Variants in CNTN1 observed in about 807,000 individuals in gnomAD.
The protein encoded by CNTN1 is contactin 1, also known as contactin-1.
A neutral mutation model predicts 126.4 loss-of-function variants in CNTN1; 38 were observed. The ratio of observed to expected loss-of-function variants is 0.30; its 90% confidence interval spans 0.23 to 0.39. The LOEUF (loss-of-function observed/expected upper bound fraction) is 0.39, where lower values mean the gene tolerates loss of function less well. CNTN1 is among the 10% of genes least tolerant of loss of function. The pLI is 1.00. For synonymous variants in CNTN1, 413 were observed against 422.6 expected (o/e 0.98, Z 0.28); for missense variants, 1,009 against 1,248.4 (o/e 0.81, Z 2.89).
chr12:40,758,081 G>A lies in CNTN1; in HGVS notation c.-77+65489G>A, dbSNP rs537817409. Among the ~76,000 whole-genome samples, 4 of 150,386 alleles carry A rather than the reference G, an allele frequency of 2.7e-5. No homozygotes were observed. The South Asian group carries it at 6.4e-4, about 24-fold the overall frequency. On this transcript the variant is annotated intron_variant, in intron 1 of 23. Coordinates refer to ENST00000551295, the MANE Select transcript of CNTN1 (RefSeq NM_001843.4). ...ATTCATCTTCTTACACTTTAATTTGGTGCCTTAGAGAAAGAAATTTTTTCC... is the reference window on the plus strand; with the variant it reads ...ATTCATCTTCTTACACTTTAATTTGATGCCTTAGAGAAAGAAATTTTTTCC...
rs770306157 is a variant in CNTN1, at chr12:40,922,415, C to T, written c.387C>T (p.Thr129=). ...NYGMVRSTEA[T]LSFGYLDPFP... The stretch of plus-strand genomic sequence containing the variant: ...GGATGGTCAGAAGCACTGAAGCAAC[C>T]CTGAGCTTTGGATGTAAGTAAACTG... The change falls in exon 5 of 24, where the codon ACC becomes ACT. Residue 129 remains threonine, a synonymous_variant. Coordinates refer to ENST00000551295, the MANE Select transcript of CNTN1 (RefSeq NM_001843.4). 3 of 1,613,696 alleles carry T rather than the reference C, an allele frequency of 1.9e-6. No individual in the cohort carries two copies. The highest frequency in any genetic ancestry group is 2.5e-6 in the Non-Finnish European group (3 of 1,179,896).
At chr12:40,956,788 A>G (rs974386318) in intron 14 of CNTN1, among the ~76,000 whole-genome samples, 2 of 152,030 alleles carry the variant, frequency 1.3e-5, no homozygotes, top group African/African-American at 4.8e-5. Context: ...ATCTGCTTTT[A>G]TGGAGACAAG....
rs184742825 is a variant in CNTN1, at chr12:40,835,343, G to A, written c.-76-73014G>A. Among the ~76,000 whole-genome samples, 34 of 152,248 alleles carry A rather than the reference G, an allele frequency of 2.2e-4. 2 individuals carry two copies. The highest frequency in any genetic ancestry group is 1.2e-4 in the Non-Finnish European group (8 of 67,988). On this transcript the variant is annotated intron_variant, in intron 1 of 23. Transcript: ENST00000551295. ...GGTTGATAGAAAGTACCATACCCAG[G>A]AATATTTGTAGGAAGGACTTGGCTT...
chr12:41,051,145 C>CT (rs58479316), intron 23 of CNTN1, among the ~76,000 whole-genome samples: 9,414 of 120,368 alleles, frequency 0.078, 806 homozygotes, highest in African/African-American at 0.17. Context: ...GCTTTGTGAT[C>CT]TTTTTTTTTT....
chr12:40,744,099 A>G (rs1014125528), intron 1 of CNTN1, among the ~76,000 whole-genome samples: 6 of 152,090 alleles, frequency 3.9e-5, no homozygotes, highest in Non-Finnish European at 8.8e-5. Flanking sequence ...ACACATGGAC[A>G]CAAGGAGGGG....
At chr12:41,015,025 AT>A (rs1948747085) in intron 18 of CNTN1, among the ~76,000 whole-genome samples, 1 of 152,200 alleles carries the variant, frequency 6.6e-6, no homozygotes, top group South Asian at 2.1e-4. Context: ...AAAGAGCACA[AT>A]TTAGGCTCCA....
At chr12:40,869,274 C>CT (rs1592182192) in intron 1 of CNTN1, among the ~76,000 whole-genome samples, 2 of 150,138 alleles carry the variant, frequency 1.3e-5, no homozygotes, top group South Asian at 2.1e-4. Context: ...TTTCATTCCT[C>CT]TTTTTTTGTT....
chr12:41,034,961 C>T (rs1407618439), intron 23 of CNTN1, among the ~76,000 whole-genome samples: 2 of 152,204 alleles, frequency 1.3e-5, no homozygotes, highest in Non-Finnish European at 2.9e-5. Flanking sequence ...TGTTGGACAA[C>T]TCCCAGCACA....
At chr12:40,760,689 G>A (rs1428608428) in intron 1 of CNTN1, among the ~76,000 whole-genome samples, 1 of 151,834 alleles carries the variant, frequency 6.6e-6, no homozygotes, top group Non-Finnish European at 1.5e-5. Context: ...TATTTACATG[G>A]TTCAATGAAA....
chr12:40,839,135 C>T (rs928613052), intron 1 of CNTN1, among the ~76,000 whole-genome samples: 2 of 151,944 alleles, frequency 1.3e-5, no homozygotes, highest in East Asian at 1.9e-4. Flanking sequence ...AAACAAAATA[C>T]ATTTGAAAGT....
intron 1 of CNTN1, among the ~76,000 whole-genome samples, chr12:40,822,992 T>C (rs1941500187): frequency 6.6e-6 from 1 of 152,172 alleles, no homozygotes; most frequent in Non-Finnish European, 1.5e-5. Flanking sequence ...TAATTGAGAA[T>C]ATAGCATATT....
intron 23 of CNTN1, among the ~76,000 whole-genome samples, chr12:41,064,813 A>G (rs1950015971): frequency 6.9e-6 from 1 of 145,852 alleles, no homozygotes; most frequent in South Asian, 2.1e-4. Flanking sequence ...GCCATGAGAC[A>G]TATTATTATC....
At chr12:40,989,577 G>C (rs1236724201) in intron 16 of CNTN1, among the ~76,000 whole-genome samples, 1 of 152,114 alleles carries the variant, frequency 6.6e-6, no homozygotes, top group Admixed American at 6.5e-5. Context: ...TTCAAGGATG[G>C]AGAAGACACT....
chr12:40,993,369 G>A, intron 17 of CNTN1, 100 bp downstream of exon 17: 1 of 994,680 alleles, frequency 1.0e-6, no homozygotes, highest in East Asian at 2.6e-5. Context: ...TCTGAGGTAA[G>A]TGATTCATCT....
At chr12:40,833,195 A>G (rs1332167680) in intron 1 of CNTN1, among the ~76,000 whole-genome samples, 1 of 151,938 alleles carries the variant, frequency 6.6e-6, no homozygotes, top group African/African-American at 2.4e-5. Context: ...CCCAAGTTCA[A>G]GCGACTCTTC....
chr12:41,042,758 G>C (rs1949445423), intron 23 of CNTN1, among the ~76,000 whole-genome samples: 1 of 152,204 alleles, frequency 6.6e-6, no homozygotes, highest in South Asian at 2.1e-4. Context: ...TATACTACAA[G>C]TCTACAGTAA....
intron 1 of CNTN1, among the ~76,000 whole-genome samples, chr12:40,843,990 T>C (rs562998863): frequency 4.6e-5 from 7 of 152,050 alleles, no homozygotes; most frequent in Admixed American, 2.0e-4. Flanking sequence ...ATGAGACTTT[T>C]GCAGGAGTGC....
chr12:40,967,881 G>C, intron 15 of CNTN1, among the ~76,000 whole-genome samples: 1 of 150,616 alleles, frequency 6.6e-6, no homozygotes, highest in East Asian at 1.9e-4. Flanking sequence ...TGAAAATAAA[G>C]ATATATAATT....
At chr12:40,726,869 A>G (rs1942366225) in intron 1 of CNTN1, among the ~76,000 whole-genome samples, 1 of 141,134 alleles carries the variant, frequency 7.1e-6, no homozygotes, top group Admixed American at 7.1e-5. Flanking sequence ...TATTTTCTCT[A>G]AAATACTTAT....
Sources: gnomAD v4.1 joint callset for allele counts (sites outside exome capture counted in the v4.1 genomes callset) on GRCh38, gnomAD v4.1.1 for gene constraint, MANE v1.5 for transcripts, NCBI Gene and HGNC (gene_info 2026-07-23, HGNC 2026-07-21) for gene names.